The following ZMIZ1 variants were observed in gnomAD, a reference collection of about 807,000 sequenced individuals.
ZMIZ1 encodes zinc finger MIZ-type containing 1, also known as zinc finger MIZ domain-containing protein 1.
ZMIZ1 carries 17 observed loss-of-function variants against 113.9 expected under a neutral mutation model. That is an observed-to-expected ratio of 0.15 (90% CI 0.10 to 0.22). The LOEUF is 0.22. ZMIZ1 is among the 10% of genes least tolerant of loss of function. ZMIZ1 has a pLI of 1.00. For missense variants in ZMIZ1, 1,059 were observed against 1,477.8 expected (o/e 0.72, Z 4.65); for synonymous variants, 607 against 603.1 (o/e 1.01, Z -0.09).
chr10:79,087,806 C>A (rs1268892390), intron 1 of ZMIZ1, among the ~76,000 whole-genome samples: 1 of 152,224 alleles, frequency 6.6e-6, no homozygotes, highest in African/African-American at 2.4e-5. Context: ...CAAACTCTGC[C>A]CAAGCCTCAG....
chr10:79,231,039 C>G (rs1231307318), intron 7 of ZMIZ1, among the ~76,000 whole-genome samples: 2 of 152,216 alleles, frequency 1.3e-5, no homozygotes, highest in Non-Finnish European at 2.9e-5. Context: ...TCCTGGGGTG[C>G]CTTTGCTCTG....
chr10:79,289,664 G>C, intron 8 of ZMIZ1, 111 bp from the exon 9 acceptor site: 1 of 968,474 alleles, frequency 1.0e-6, no homozygotes, highest in Non-Finnish European at 1.6e-6. Flanking sequence ...TCGGATGGGG[G>C]TTACCTTGGA....
At chr10:79,129,572 C>T (rs765884641) in intron 2 of ZMIZ1, among the ~76,000 whole-genome samples, 4 of 152,228 alleles carry the variant, frequency 2.6e-5, no homozygotes, top group African/African-American at 7.2e-5. Context: ...TCCCTCCCCT[C>T]TGCCAGCAGG....
intron 4 of ZMIZ1, among the ~76,000 whole-genome samples, chr10:79,165,249 C>G (rs575633407): frequency 5.9e-5 from 9 of 152,280 alleles, no homozygotes; most frequent in African/African-American, 2.2e-4. Context: ...AAGCCTTCCT[C>G]CCCTGCCTGG....
Position 79,296,911 on chromosome 10 carries a change from A to G in ZMIZ1, c.1413+258A>G, listed in dbSNP as rs1217253757. The G allele has an allele frequency of 2.7e-6, 1 of 375,934 alleles. No homozygotes were observed. The highest frequency in any genetic ancestry group is 4.1e-5 in the East Asian group (1 of 24,338). The allele number at this position is 375,934 out of a possible 1,614,324, so 23.3% of individuals were successfully genotyped here. On this transcript the variant is annotated intron_variant, in intron 13 of 24. Transcript: ENST00000334512. The surrounding 1 kb of genome is among the most constrained non-coding windows in gnomAD (Gnocchi z 4.1). ...CTTTTCTTATTCACGGCACTCACAA[A>G]ATAATAAAGGAAATATATTTTATTA...
At chr10:79,117,194 A>C (rs1844070891) in intron 1 of ZMIZ1, among the ~76,000 whole-genome samples, 1 of 152,248 alleles carries the variant, frequency 6.6e-6, no homozygotes, top group South Asian at 2.1e-4. Context: ...TAGTCTCTAT[A>C]ACTCACAAAA....
intron 7 of ZMIZ1, among the ~76,000 whole-genome samples, chr10:79,256,477 C>A (rs1042025526): frequency 6.6e-6 from 1 of 152,240 alleles, no homozygotes; most frequent in Non-Finnish European, 1.5e-5. Flanking sequence ...CCTTCCCAGC[C>A]TTCCAGACCA....
rs546611449 is a variant in ZMIZ1 at position 79,224,248 on chromosome 10, G to A, written c.280+7974G>A. Among the ~76,000 whole-genome samples, 51 of 152,318 alleles carry A rather than the reference G, an allele frequency of 3.3e-4. No homozygotes were observed. The South Asian group carries it at 0.011, about 32-fold the overall frequency. On this transcript the variant is annotated intron_variant, in intron 7 of 24. Transcript: ENST00000334512. ...CAACTTACAAGTAATGGCTCTATCT[G>A]GAGGGGGCCGGAGGGTGACTCTTTT...
intron 7 of ZMIZ1, among the ~76,000 whole-genome samples, chr10:79,255,013 C>G (rs538510333): frequency 1.4e-4 from 21 of 152,328 alleles, no homozygotes; most frequent in African/African-American, 4.8e-4. Flanking sequence ...CTGTGGGCCT[C>G]CAGCCCGGGC....
At chr10:79,276,054 A>C (rs1852268320) in intron 7 of ZMIZ1, among the ~76,000 whole-genome samples, 1 of 152,222 alleles carries the variant, frequency 6.6e-6, no homozygotes, top group South Asian at 2.1e-4. Flanking sequence ...CACTCCCAGC[A>C]GGAGTAGGAC....
At chr10:79,111,251 GAC>G (rs1843726067) in intron 1 of ZMIZ1, among the ~76,000 whole-genome samples, 1 of 152,218 alleles carries the variant, frequency 6.6e-6, no homozygotes, top group South Asian at 2.1e-4. Flanking sequence ...ACAGTTGGTA[GAC>G]ACAGCCGGGT....
At chr10:79,072,456 GA>G (rs1842323602) in intron 1 of ZMIZ1, among the ~76,000 whole-genome samples, 1 of 152,216 alleles carries the variant, frequency 6.6e-6, no homozygotes, top group African/African-American at 2.4e-5. Context: ...CTGATGGCGG[GA>G]GGGGTGAAGG....
At chr10:79,242,006 A>T (rs1186933130) in intron 7 of ZMIZ1, among the ~76,000 whole-genome samples, 1 of 152,210 alleles carries the variant, frequency 6.6e-6, no homozygotes, top group Non-Finnish European at 1.5e-5. Context: ...GTCACCACAC[A>T]AGCAACTTTC....
intron 3 of ZMIZ1, among the ~76,000 whole-genome samples, chr10:79,154,176 AGTTGGACCTCC>A (rs1386743948): frequency 6.6e-6 from 1 of 152,168 alleles, no homozygotes; most frequent in African/African-American, 2.4e-5. Context: ...CTGGGTCCTC[AGTTGGACCTCC>A]AACACCAGAA....
intron 1 of ZMIZ1, among the ~76,000 whole-genome samples, chr10:79,086,521 T>C (rs1842818233): frequency 6.6e-6 from 1 of 152,184 alleles, no homozygotes; most frequent in Non-Finnish European, 1.5e-5. Flanking sequence ...ATTACTTCAT[T>C]TTATTTTGTA....
intron 4 of ZMIZ1, among the ~76,000 whole-genome samples, chr10:79,179,804 GC>G (rs1414261276): frequency 6.6e-6 from 1 of 152,268 alleles, no homozygotes; most frequent in Non-Finnish European, 1.5e-5. Flanking sequence ...GCCATCTCAG[GC>G]CCACAAGGGG....
chr10:79,123,186 A>G (rs1489086070), intron 2 of ZMIZ1, among the ~76,000 whole-genome samples: 3 of 152,206 alleles, frequency 2.0e-5, no homozygotes, highest in African/African-American at 7.2e-5. Context: ...AAACTGTTCC[A>G]TATGGCTGGC....
At position 79,069,505 on chromosome 10, in the gene ZMIZ1, G is replaced by C. The variant is rs935009544; in HGVS notation, c.-337+235G>C. Among the ~76,000 whole-genome samples the C allele has an allele frequency of 6.6e-6, 1 of 151,678 alleles. No individual in the cohort carries two copies. Among genetic ancestry groups the C allele is most frequent in the Non-Finnish European group, 1.5e-5 (1 of 67,888 alleles). On this transcript the variant is annotated intron_variant, in intron 1 of 24. Transcript: ENST00000334512. This position sits in a 1 kb window ranked among gnomAD's most constrained non-coding sequence, Gnocchi z 4.6. ...TGCGCGGAGCCGGCTTGGGCTGCGC[G>C]TGGGGGCCGGGTTTGTCAGGGTGTG... is the stretch of plus-strand genomic sequence containing the variant.
At chr10:79,208,259 C>G in intron 5 of ZMIZ1, 77 bp from the exon 6 acceptor site, 1 of 1,327,932 alleles carries the variant, frequency 7.5e-7, no homozygotes, top group Non-Finnish European at 1.1e-6. Flanking sequence ...TGGGTTCTTC[C>G]CACCCCAGAC....
Sources: gnomAD v4.1 joint callset for allele counts (sites outside exome capture counted in the v4.1 genomes callset) on GRCh38, gnomAD v4.1.1 for gene constraint, Gnocchi (gnomAD v3.1) non-coding constraint, MANE v1.5 for transcripts, NCBI Gene and HGNC (gene_info 2026-07-23, HGNC 2026-07-21) for gene names.